The following LRBA variants were observed in gnomAD, a reference collection of about 807,000 sequenced individuals.
LRBA encodes the protein lipopolysaccharide-responsive and beige-like anchor protein.
LRBA carries 176 observed loss-of-function variants against 330.0 expected under a neutral mutation model. That is an observed-to-expected ratio of 0.53 (90% CI 0.47 to 0.60). LRBA has a LOEUF of 0.60. LRBA is among the 20% of genes least tolerant of loss of function. The pLI, the probability that LRBA is intolerant of heterozygous loss-of-function variation, is 0.00. For missense variants in LRBA, 3,259 were observed against 3,444.8 expected (o/e 0.95, Z 1.35); for synonymous variants, 1,230 against 1,193.0 (o/e 1.03, Z -0.64).
intron 33 of LRBA, among the ~76,000 whole-genome samples, chr4:150,799,170 C>T (rs1443186548): frequency 6.6e-6 from 1 of 152,120 alleles, no homozygotes; most frequent in African/African-American, 2.4e-5. Flanking sequence ...CTGTTCACCC[C>T]CTTCGTTTTT....
intron 37 of LRBA, among the ~76,000 whole-genome samples, chr4:150,653,724 C>T (rs893608510): frequency 4.6e-5 from 7 of 152,138 alleles, no homozygotes; most frequent in Non-Finnish European, 1.0e-4. Flanking sequence ...GGGGTTTTCG[C>T]TTCTCGATTT....
chr4:150,290,378 G>A (rs1728116980), intron 53 of LRBA, among the ~76,000 whole-genome samples: 1 of 151,994 alleles, frequency 6.6e-6, no homozygotes, highest in African/African-American at 2.4e-5. Flanking sequence ...AATAGTTAAG[G>A]GATACAAAAA....
At chr4:150,365,777 G>C (rs1397075742) in intron 47 of LRBA, among the ~76,000 whole-genome samples, 1 of 125,780 alleles carries the variant, frequency 8.0e-6, no homozygotes, top group East Asian at 2.4e-4. Flanking sequence ...GGTAACAAGA[G>C]TGAAACTCTG....
At chr4:150,690,957 T>G (rs1784081751) in intron 36 of LRBA, among the ~76,000 whole-genome samples, 1 of 138,522 alleles carries the variant, frequency 7.2e-6, no homozygotes, top group Non-Finnish European at 1.5e-5. Context: ...TTAGACAGAG[T>G]CTCGCTCTGT....
chr4:150,288,382 C>G (rs1242223294), intron 53 of LRBA, among the ~76,000 whole-genome samples: 1 of 152,034 alleles, frequency 6.6e-6, no homozygotes, highest in Non-Finnish European at 1.5e-5. Flanking sequence ...CCAAGGTGGG[C>G]AGATCACCTG....
At chr4:150,655,521 A>T (rs1163471294) in intron 37 of LRBA, among the ~76,000 whole-genome samples, 2 of 152,236 alleles carry the variant, frequency 1.3e-5, no homozygotes, top group African/African-American at 2.4e-5. Context: ...TAATTTTGGT[A>T]GATACTGCTA....
chr4:150,639,524 T>C (rs1778305718), intron 37 of LRBA, among the ~76,000 whole-genome samples: 1 of 141,760 alleles, frequency 7.1e-6, no homozygotes, highest in Admixed American at 7.2e-5. Context: ...AATAGAAATC[T>C]GCAAGGAAAG....
At chr4:150,636,091 T>C (rs922458237) in intron 37 of LRBA, among the ~76,000 whole-genome samples, 1 of 151,632 alleles carries the variant, frequency 6.6e-6, no homozygotes, top group Non-Finnish European at 1.5e-5. Context: ...AGGAAGCACA[T>C]GGTTTCAGTT....
chr4:150,661,343 C>T (rs1781075638), intron 37 of LRBA, among the ~76,000 whole-genome samples: 1 of 151,230 alleles, frequency 6.6e-6, no homozygotes, highest in Non-Finnish European at 1.5e-5. Flanking sequence ...CACCTATAAT[C>T]CCAGCTATTC....
Position 150,868,291 on chromosome 4 carries a change from T to C in LRBA, c.2464A>G (p.Ile822Val), listed in dbSNP as rs765148995. ...KIQNPQILKV[I>V]ATLLRNSPQC... ...GGAGAATTTCGAAGTAGGGTCGCAA[T>C]TACTTTTAGTATCTCTGTAAGACAG... The change falls in exon 21 of 57, where the codon ATT (isoleucine) becomes GTT (valine). Residue 822 changes from isoleucine (I) to valine (V), a missense_variant. Coordinates refer to ENST00000651943, the MANE Select transcript of LRBA (RefSeq NM_001364905.1). The C allele has an allele frequency of 3.0e-5, 49 of 1,611,188 alleles. 1 individual carries two copies. Among genetic ancestry groups the C allele is most frequent in the Non-Finnish European group, 4.1e-5 (48 of 1,178,370 alleles).
chr4:150,314,806 A>G (rs188574159), intron 51 of LRBA: 1 of 152,154 alleles, frequency 6.6e-6, no homozygotes, highest in Non-Finnish European at 1.5e-5. Context: ...GATTTCGACT[A>G]ATCTACTCAA....
Position 150,440,026 on chromosome 4 carries a change from C to T in LRBA, c.6781-3162G>A, listed in dbSNP as rs941470114. Among the ~76,000 whole-genome samples, 12 of 152,228 alleles carry T rather than the reference C, an allele frequency of 7.9e-5. 1 individual carries two copies. The highest frequency in any genetic ancestry group is 4.2e-4 in the South Asian group (2 of 4,818). On this transcript the variant is annotated intron_variant, in intron 44 of 56. Transcript: ENST00000651943. ...CAAAAGAACTAAAAGTAAATGCTGA[C>T]GGATCCTCTTACTTATATAGTATAT...
chr4:150,700,684 AAC>A (rs150357987), intron 36 of LRBA, among the ~76,000 whole-genome samples: 4,233 of 152,278 alleles, frequency 0.028, 185 homozygotes, highest in African/African-American at 0.096. Context: ...CTTTTTTAAT[AAC>A]ACAGTTTAAA....
At chr4:150,587,974 T>G in intron 40 of LRBA, 74 bp downstream of exon 40, 2 of 1,466,304 alleles carry the variant, frequency 1.4e-6, no homozygotes. Context: ...CTGTCAGATT[T>G]ACCAATCCCA....
At chr4:150,834,842 C>T (rs1313782952) in intron 28 of LRBA, among the ~76,000 whole-genome samples, 1 of 152,142 alleles carries the variant, frequency 6.6e-6, no homozygotes, top group Non-Finnish European at 1.5e-5. Context: ...GCTTTTGTTG[C>T]CATTGCTTTT....
At chr4:150,803,198 A>G (rs1741994227) in intron 33 of LRBA, among the ~76,000 whole-genome samples, 1 of 151,480 alleles carries the variant, frequency 6.6e-6, no homozygotes, top group Admixed American at 6.6e-5. Flanking sequence ...CGACATTAAG[A>G]AACTATTACT....
At chr4:150,501,506 G>A (rs1760257729) in intron 40 of LRBA, among the ~76,000 whole-genome samples, 1 of 152,064 alleles carries the variant, frequency 6.6e-6, no homozygotes, top group African/African-American at 2.4e-5. Context: ...CAGATACTAG[G>A]GCGGCTGAGG....
intron 34 of LRBA, among the ~76,000 whole-genome samples, chr4:150,780,967 C>T (rs1471793227): frequency 1.3e-5 from 2 of 152,134 alleles, no homozygotes; most frequent in East Asian, 3.9e-4. Context: ...GCAAGCTTCA[C>T]CTCCCGGGTT....
At chr4:150,436,938 T>C in intron 44 of LRBA, 74 bp from the exon 45 acceptor site, 1 of 1,315,298 alleles carries the variant, frequency 7.6e-7, no homozygotes, top group South Asian at 1.2e-5. Flanking sequence ...CTTCTGATGA[T>C]ATCCTACTGG....
Sources: allele counts gnomAD v4.1 joint callset (sites outside exome capture counted in the v4.1 genomes callset), GRCh38; gene constraint gnomAD v4.1.1; transcripts MANE v1.5; gene names NCBI Gene and HGNC (gene_info 2026-07-23, HGNC 2026-07-21).